IMMP2L: variants seen among roughly 807,000 people sequenced by gnomAD.
IMMP2L encodes inner mitochondrial membrane peptidase subunit 2.
In IMMP2L, 18 loss-of-function variants were observed where a neutral mutation model predicts 19.3. The ratio of observed to expected loss-of-function variants is 0.93; its 90% CI spans 0.64 to 1.38. The LOEUF is 1.38. IMMP2L is among the 40% of genes most tolerant of loss of function. The pLI is 0.00. For missense variants in IMMP2L, 233 were observed against 218.2 expected (o/e 1.07, Z -0.43); for synonymous variants, 76 against 73.0 (o/e 1.04, Z -0.21).
intron 5 of IMMP2L, among the ~76,000 whole-genome samples, chr7:110,831,932 T>A (rs1584963556): frequency 6.6e-6 from 1 of 152,134 alleles, no homozygotes; most frequent in African/African-American, 2.4e-5. Flanking sequence ...CCAGCAGGGT[T>A]TTTTTTAAAA....
At chr7:110,856,005 T>C (rs145360714) in intron 5 of IMMP2L, among the ~76,000 whole-genome samples, 8 of 152,142 alleles carry the variant, frequency 5.3e-5, no homozygotes, top group African/African-American at 1.7e-4. Flanking sequence ...GTAAAACAAA[T>C]TCAGCTATAA....
rs1802691126 is a variant in IMMP2L at position 110,818,050 on chromosome 7, T to C, written c.408+68543A>G. 2.0e-5 allele frequency among the ~76,000 whole-genome samples: 3 copies of C among 152,064 alleles called. No homozygotes were observed. The South Asian group carries it at 6.2e-4, about 32-fold the overall frequency. On this transcript the variant is annotated intron_variant, in intron 5 of 5. Coordinates refer to ENST00000405709, the MANE Select transcript of IMMP2L (RefSeq NM_032549.4). The stretch of plus-strand genomic sequence containing the variant: ...GGCATTACCATTCAGGACATAGGCA[T>C]GGGCAAGGACTTCATGTCTAAAACA...
Position 110,782,134 on chromosome 7 carries a change from T to C in IMMP2L, c.408+104459A>G, listed in dbSNP as rs186237883. 2.0e-5 allele frequency among the ~76,000 whole-genome samples: 3 copies of C among 151,954 alleles called. No individual in the cohort carries two copies. The East Asian group carries it at 5.9e-4, about 30-fold the overall frequency. ...GGAAGATCTGGCCTCCTCTCAGCCT[T>C]ACTTCAATGTCTCCCCAGCATTTAA... On this transcript the variant is annotated intron_variant, in intron 5 of 5. Coordinates refer to ENST00000405709, the MANE Select transcript of IMMP2L (RefSeq NM_032549.4).
intron 4 of IMMP2L, among the ~76,000 whole-genome samples, chr7:110,903,867 T>C (rs1563069197): frequency 6.6e-6 from 1 of 152,166 alleles, no homozygotes; most frequent in African/African-American, 2.4e-5. Flanking sequence ...TTCCAATTTC[T>C]CCACGCCTTC....
chr7:111,459,330 T>C (rs17158581), intron 3 of IMMP2L, among the ~76,000 whole-genome samples: 14,446 of 152,170 alleles, frequency 0.095, 882 homozygotes, highest in African/African-American at 0.16. Context: ...GACAAGCTTA[T>C]TTCCAAAACA....
At chr7:111,083,351 T>C (rs920519888) in intron 3 of IMMP2L, among the ~76,000 whole-genome samples, 1 of 152,220 alleles carries the variant, frequency 6.6e-6, no homozygotes, top group African/African-American at 2.4e-5. Context: ...CTTCACACTA[T>C]GTTAATCATC....
At chr7:111,336,629 TTTCATA>T (rs1826439181) in intron 3 of IMMP2L, among the ~76,000 whole-genome samples, 1 of 152,222 alleles carries the variant, frequency 6.6e-6, no homozygotes, top group African/African-American at 2.4e-5. Flanking sequence ...ATAAGTTCTC[TTTCATA>T]TTCATGCATT....
At chr7:111,493,661 C>A (rs1416407956) in intron 2 of IMMP2L, among the ~76,000 whole-genome samples, 1 of 150,068 alleles carries the variant, frequency 6.7e-6, no homozygotes, top group Admixed American at 6.7e-5. Context: ...GCGGAGATCG[C>A]GCCACTGCAC....
At chr7:111,105,416 A>G (rs1329700345) in intron 3 of IMMP2L, among the ~76,000 whole-genome samples, 1 of 151,896 alleles carries the variant, frequency 6.6e-6, no homozygotes, top group Non-Finnish European at 1.5e-5. Flanking sequence ...ACAATACACC[A>G]CAACAGTACA....
chr7:111,079,157 G>A (rs1316115928), intron 3 of IMMP2L, among the ~76,000 whole-genome samples: 2 of 145,378 alleles, frequency 1.4e-5, no homozygotes, highest in African/African-American at 5.1e-5. Context: ...TCGCTCTGTC[G>A]CCCAGGCTGG....
intron 4 of IMMP2L, among the ~76,000 whole-genome samples, chr7:110,898,898 G>C (rs912669656): frequency 1.3e-5 from 2 of 151,290 alleles, no homozygotes; most frequent in African/African-American, 4.9e-5. Flanking sequence ...GGGAAGCTCA[G>C]GAAACCTGCC....
At position 110,715,870 on chromosome 7, in the gene IMMP2L, C is replaced by T. The variant is rs1795203676; in HGVS notation, c.409-52149G>A. On this transcript the variant is annotated intron_variant, in intron 5 of 5. Transcript: ENST00000405709. ...ACTGTCAATGGGATGTTAAAGTCTC[C>T]CACTATTACTGAGTAGCTATCTAAG... Among the ~76,000 whole-genome samples the T allele has an allele frequency of 2.0e-5, 3 of 152,142 alleles. No individual in the cohort carries two copies. The South Asian group carries it at 6.2e-4, about 32-fold the overall frequency.
intron 2 of IMMP2L, among the ~76,000 whole-genome samples, chr7:111,502,710 C>A (rs1223366388): frequency 4.0e-5 from 6 of 151,308 alleles, no homozygotes; most frequent in African/African-American, 7.3e-5. Flanking sequence ...CAACCTGCTC[C>A]TGAATGACTA....
At chr7:110,793,807 T>A (rs1248845866) in intron 5 of IMMP2L, among the ~76,000 whole-genome samples, 1 of 152,120 alleles carries the variant, frequency 6.6e-6, no homozygotes, top group Admixed American at 6.6e-5. Flanking sequence ...TCATTCACTG[T>A]GTATATGCAT....
chr7:111,378,526 T>C (rs1023346354), intron 3 of IMMP2L, among the ~76,000 whole-genome samples: 8 of 152,004 alleles, frequency 5.3e-5, no homozygotes, highest in Non-Finnish European at 1.0e-4. Flanking sequence ...GCAGGTATTG[T>C]TATAATCACC....
At chr7:111,141,440 CT>C (rs906005789) in intron 3 of IMMP2L, among the ~76,000 whole-genome samples, 86 of 147,706 alleles carry the variant, frequency 5.8e-4, no homozygotes, top group Middle Eastern at 3.5e-3. Context: ...ACATTTCTTT[CT>C]TTTTTTTTTG....
chr7:110,950,841 CATATATATATATATAT>C (rs34797718), intron 4 of IMMP2L, among the ~76,000 whole-genome samples: 1,299 of 100,616 alleles, frequency 0.013, 35 homozygotes, highest in South Asian at 0.073. Flanking sequence ...CAAAATGTGG[CATATATATATATATAT>C]ATATATATAT....
chr7:111,315,121 A>G (rs976534542), intron 3 of IMMP2L, among the ~76,000 whole-genome samples: 1 of 152,176 alleles, frequency 6.6e-6, no homozygotes, highest in Non-Finnish European at 1.5e-5. Flanking sequence ...TTTAAAACAT[A>G]TCATAAGGCA....
chr7:111,491,427 T>G (rs1843092360), intron 2 of IMMP2L, among the ~76,000 whole-genome samples: 1 of 152,100 alleles, frequency 6.6e-6, no homozygotes, highest in South Asian at 2.1e-4. Context: ...TCATTTAAAG[T>G]GCTTATGGTA....
Sources: gnomAD v4.1 joint callset for allele counts (sites outside exome capture counted in the v4.1 genomes callset) on GRCh38, gnomAD v4.1.1 for gene constraint, MANE v1.5 for transcripts, NCBI Gene and HGNC (gene_info 2026-07-23, HGNC 2026-07-21) for gene names.